Variants in DSCAML1 observed in about 807,000 individuals in gnomAD.
DSCAML1 encodes the protein DS cell adhesion molecule like 1, also known as cell adhesion molecule DSCAML1.
A neutral mutation model predicts 200.5 loss-of-function variants in DSCAML1; 38 were observed. The ratio of observed to expected loss-of-function variants is 0.19; its 90% confidence interval spans 0.15 to 0.25. The LOEUF is 0.25. Ranked by LOEUF, DSCAML1 falls within the 10% of genes least tolerant of loss-of-function variation. The probability of loss-of-function intolerance (pLI) is 1.00; values close to 1 mark genes in which losing one functional copy is unlikely to be tolerated. For missense variants in DSCAML1, 2,223 were observed against 2,858.8 expected (o/e 0.78, Z 5.07); for synonymous variants, 1,215 against 1,165.0 (o/e 1.04, Z -0.87).
At chr11:117,733,755 G>A (rs1232971924) in intron 3 of DSCAML1, among the ~76,000 whole-genome samples, 2 of 151,886 alleles carry the variant, frequency 1.3e-5, no homozygotes, top group Non-Finnish European at 1.5e-5. Context: ...TCGAATCTCA[G>A]GAACCGATTG....
At chr11:117,447,029 C>T (rs1388572302) in intron 20 of DSCAML1, among the ~76,000 whole-genome samples, 2 of 152,244 alleles carry the variant, frequency 1.3e-5, no homozygotes, top group African/African-American at 2.4e-5. Flanking sequence ...GTGGCTCATG[C>T]CTATAATCCC....
At chr11:117,629,967 C>T (rs2052136085) in intron 3 of DSCAML1, among the ~76,000 whole-genome samples, 1 of 152,172 alleles carries the variant, frequency 6.6e-6, no homozygotes, top group African/African-American at 2.4e-5. Context: ...ACTAGGATTG[C>T]ACCACTGCAC....
At chr11:117,782,694 TCTCA>T (rs2055285874) in intron 1 of DSCAML1, among the ~76,000 whole-genome samples, 1 of 152,170 alleles carries the variant, frequency 6.6e-6, no homozygotes, top group Non-Finnish European at 1.5e-5. Flanking sequence ...CCAAGACTCT[TCTCA>T]CTTTCTGAAA....
chr11:117,627,502 C>T (rs1018778358), intron 3 of DSCAML1, among the ~76,000 whole-genome samples: 2 of 152,118 alleles, frequency 1.3e-5, no homozygotes, highest in African/African-American at 4.8e-5. Flanking sequence ...AGCCCCACAT[C>T]ACCACACTCG....
chr11:117,595,059 T>C (rs1463794872), intron 3 of DSCAML1, among the ~76,000 whole-genome samples: 18 of 143,904 alleles, frequency 1.3e-4, no homozygotes, highest in South Asian at 4.5e-4. Flanking sequence ...GTCTTTCTCT[T>C]ACACACACAC....
At position 117,780,803 on chromosome 11, in the gene DSCAML1, A is replaced by T; in HGVS notation, c.54T>A (p.Pro18=). The change falls in exon 2 of 33, where the codon CCT becomes CCA. Residue 18 remains proline, a synonymous_variant. Coordinates refer to ENST00000651296, the MANE Select transcript of DSCAML1 (RefSeq NM_020693.4). The surrounding 1 kb of genome is among the most constrained non-coding windows in gnomAD (Gnocchi z 4.8). ...LLLDSLHKAR[P]EDVGTSLYFV... ...AGTAGAGGCTGGTGCCAACATCTTC[A>T]GGGCGGGCTGCAGGAGAGGCAAGGG... 6.9e-7 allele frequency: 1 copy of T among 1,450,068 alleles called. No homozygotes were observed. Among genetic ancestry groups the T allele is most frequent in the South Asian group, 1.4e-5 (1 of 69,102 alleles). 89.8% of individuals were successfully genotyped at this position (1,450,068 alleles called of 1,614,324 possible). A position where few individuals can be genotyped will look rare whatever the true frequency, so the allele number is the denominator to read the frequency against.
chr11:117,674,757 C>T (rs192682680), intron 3 of DSCAML1, among the ~76,000 whole-genome samples: 3 of 152,198 alleles, frequency 2.0e-5, no homozygotes, highest in Admixed American at 6.5e-5. Flanking sequence ...AGAGAGATGG[C>T]CCTTTAAATC....
chr11:117,482,462 T>C (rs1053610743), intron 11 of DSCAML1, among the ~76,000 whole-genome samples: 4 of 152,232 alleles, frequency 2.6e-5, no homozygotes, highest in Admixed American at 1.3e-4. Context: ...TATTGAAATA[T>C]GGTTATGCAA....
At chr11:117,553,102 AT>A (rs2050497659) in intron 3 of DSCAML1, among the ~76,000 whole-genome samples, 2 of 152,200 alleles carry the variant, frequency 1.3e-5, no homozygotes, top group African/African-American at 4.8e-5. Context: ...CCGAGAAAGC[AT>A]TTCTTCTTCA....
intron 1 of DSCAML1, among the ~76,000 whole-genome samples, chr11:117,792,402 C>T (rs2055485760): frequency 6.6e-6 from 1 of 152,154 alleles, no homozygotes; most frequent in African/African-American, 2.4e-5. Context: ...ACTCAGCTCT[C>T]CTGAAGTGCT....
chr11:117,629,591 C>A (rs1382372475), intron 3 of DSCAML1, among the ~76,000 whole-genome samples: 1 of 151,260 alleles, frequency 6.6e-6, no homozygotes, highest in Non-Finnish European at 1.5e-5. Context: ...AGTGGCAGAC[C>A]CACACAACGG....
At chr11:117,696,602 G>A (rs1031854057) in intron 3 of DSCAML1, among the ~76,000 whole-genome samples, 1 of 150,052 alleles carries the variant, frequency 6.7e-6, no homozygotes, top group Non-Finnish European at 1.5e-5. Flanking sequence ...GTAGATCCCA[G>A]GGACACTCAT....
chr11:117,795,456 G>C (rs1004690938), intron 1 of DSCAML1, among the ~76,000 whole-genome samples: 21 of 152,152 alleles, frequency 1.4e-4, no homozygotes, highest in Admixed American at 1.4e-3. Flanking sequence ...ACTGGGGTTC[G>C]GGGGTGGGGC....
chr11:117,545,821 C>T (rs1232012413), intron 3 of DSCAML1, among the ~76,000 whole-genome samples: 1 of 152,226 alleles, frequency 6.6e-6, no homozygotes, highest in African/African-American at 2.4e-5. Flanking sequence ...CAATCAAAGA[C>T]TCAGATCTCA....
chr11:117,547,191 C>A (rs539959322), intron 3 of DSCAML1, among the ~76,000 whole-genome samples: 1 of 152,184 alleles, frequency 6.6e-6, no homozygotes, highest in Non-Finnish European at 1.5e-5. Flanking sequence ...CAGCCGGGGG[C>A]GACAGCCTCC....
chr11:117,464,248 A>T (rs934914907), intron 17 of DSCAML1, among the ~76,000 whole-genome samples: 4 of 152,094 alleles, frequency 2.6e-5, no homozygotes, highest in Non-Finnish European at 4.4e-5. Flanking sequence ...TCTGCTCTTT[A>T]GGGGACAGAG....
At chr11:117,603,268 G>A (rs776633136) in intron 3 of DSCAML1, among the ~76,000 whole-genome samples, 6 of 152,206 alleles carry the variant, frequency 3.9e-5, no homozygotes, top group Non-Finnish European at 7.3e-5. Context: ...CCTAAAACTG[G>A]TAGTGACCTT....
intron 14 of DSCAML1, among the ~76,000 whole-genome samples, chr11:117,478,444 G>A (rs2048841809): frequency 6.6e-6 from 1 of 152,144 alleles, no homozygotes; most frequent in South Asian, 2.1e-4. Context: ...CAGCCCTTTT[G>A]TCCCCTTTGC....
rs527310432 is a variant in DSCAML1, at chr11:117,518,191, G to A, written c.1510+275C>T. ...AGGAATGGGCTAGAGGGTAAGAGAA[G>A]GGGCTGGGCTGGCTGGATTTCTGGA... On this transcript the variant is annotated intron_variant, in intron 7 of 32. Coordinates refer to ENST00000651296, the MANE Select transcript of DSCAML1 (RefSeq NM_020693.4). This position sits in a 1 kb window ranked among gnomAD's most constrained non-coding sequence, Gnocchi z 6.3. Among the ~76,000 whole-genome samples, 1 of 152,246 alleles carries A rather than the reference G, an allele frequency of 6.6e-6. No individual in the cohort carries two copies. The highest frequency in any genetic ancestry group is 6.5e-5 in the Admixed American group (1 of 15,294).
Sources: allele counts gnomAD v4.1 joint callset (sites outside exome capture counted in the v4.1 genomes callset), GRCh38; gene constraint gnomAD v4.1.1; non-coding constraint Gnocchi (gnomAD v3.1); transcripts MANE v1.5; gene names NCBI Gene and HGNC (gene_info 2026-07-23, HGNC 2026-07-21).